The following GLIS3 variants were observed in gnomAD, a reference collection of about 807,000 sequenced individuals.
GLIS3 encodes GLIS family zinc finger 3.
Under a neutral mutation model 78.6 loss-of-function variants are expected in GLIS3, and 53 were observed. That is an observed-to-expected ratio of 0.67 (90% CI 0.54 to 0.85). The LOEUF is 0.85. GLIS3 is among the 40% of genes least tolerant of loss of function. The pLI is 0.00. For synonymous variants in GLIS3, 684 were observed against 509.9 expected, an observed-to-expected ratio of 1.34 and a Z score of -4.60; for missense variants, 1,703 against 1,231.1, an observed-to-expected ratio of 1.38 and a Z score of -5.74.
intron 4 of GLIS3, among the ~76,000 whole-genome samples, chr9:3,995,219 G>C (rs663822): frequency 1 from 152,195 of 152,268 alleles, 76,061 homozygotes; most frequent in Middle Eastern, 1. Flanking sequence ...TTTTTAACCA[G>C]AAAACCTGGG....
intron 2 of GLIS3, among the ~76,000 whole-genome samples, chr9:4,330,315 T>G (rs1275070469): frequency 6.6e-6 from 1 of 152,246 alleles, no homozygotes; most frequent in Non-Finnish European, 1.5e-5. Context: ...AGATTGCTGG[T>G]ACCCATCCAG....
chr9:4,394,826 A>G, the GLIS3 span, among the ~76,000 whole-genome samples: 2 of 152,232 alleles, frequency 1.3e-5, no homozygotes, highest in Admixed American at 6.5e-5. Flanking sequence ...TATTATAGCA[A>G]TAACAAAACA....
chr9:4,415,788 AATT>A, the GLIS3 span, among the ~76,000 whole-genome samples: 2 of 111,880 alleles, frequency 1.8e-5, no homozygotes, highest in Non-Finnish European at 3.6e-5. Flanking sequence ...TTTTTTAAAA[AATT>A]TTAACTTTTC....
upstream of GLIS3, among the ~76,000 whole-genome samples, chr9:4,300,354 AAGTGTT>A (rs35991863): frequency 0.11 from 15,988 of 152,052 alleles, 2,637 homozygotes; most frequent in African/African-American, 0.36. Context: ...TAACATGAAA[AAGTGTT>A]AGTGTTTAGA....
the GLIS3 span, among the ~76,000 whole-genome samples, chr9:4,355,861 G>C: frequency 7.2e-5 from 11 of 152,276 alleles, no homozygotes; most frequent in East Asian, 2.1e-3. Flanking sequence ...TTTCTAACTA[G>C]AAAGGGGCAT....
intron 6 of GLIS3, among the ~76,000 whole-genome samples, chr9:3,925,855 C>T (rs953304829): frequency 3.9e-5 from 6 of 152,166 alleles, no homozygotes; most frequent in Non-Finnish European, 8.8e-5. Context: ...AATATGCCCT[C>T]GGAACTTAAT....
chr9:4,047,503 C>T lies in GLIS3; in HGVS notation c.1710+70265G>A, dbSNP rs186934342. Among the ~76,000 whole-genome samples, 539 of 152,212 alleles carry T rather than the reference C, an allele frequency of 3.5e-3. 6 individuals are homozygous for T. The highest frequency in any genetic ancestry group is 0.02 in the Middle Eastern group (6 of 294). On this transcript the variant is annotated intron_variant, in intron 4 of 10. Transcript: ENST00000381971. ...AAAAACCTGTTACTGCTCTGAATTA[C>T]AAACAAACTTAAATCCACACCTTGT...
chr9:3,876,391 C>A (rs974962170), intron 8 of GLIS3, among the ~76,000 whole-genome samples: 1 of 151,832 alleles, frequency 6.6e-6, no homozygotes, highest in Non-Finnish European at 1.5e-5. Flanking sequence ...AAACAAAAAT[C>A]TCCAGCTATA....
At chr9:4,064,758 A>C (rs1006125673) in intron 4 of GLIS3, among the ~76,000 whole-genome samples, 5 of 152,244 alleles carry the variant, frequency 3.3e-5, no homozygotes, top group Non-Finnish European at 7.3e-5. Context: ...TGCGCCAGTC[A>C]GAGAGGAAAC....
At chr9:4,278,490 T>A (rs1827227651) in intron 2 of GLIS3, among the ~76,000 whole-genome samples, 1 of 152,144 alleles carries the variant, frequency 6.6e-6, no homozygotes, top group Admixed American at 6.5e-5. Flanking sequence ...TTGGGACAGT[T>A]TGAGCATCAC....
chr9:4,236,184 C>CAAAAAAAAAAA (rs59839951), intron 2 of GLIS3, among the ~76,000 whole-genome samples: 32 of 84,280 alleles, frequency 3.8e-4, no homozygotes, highest in Non-Finnish European at 5.6e-4. Context: ...GTGGTTGTCA[C>CAAAAAAAAAAA]AAAAAAAAAA....
intron 2 of GLIS3, among the ~76,000 whole-genome samples, chr9:4,322,464 G>C (rs867540688): frequency 6.6e-6 from 1 of 152,124 alleles, no homozygotes; most frequent in African/African-American, 2.4e-5. Flanking sequence ...CTAGATCCTT[G>C]AGGAATCGCC....
chr9:4,423,458 G>T, the GLIS3 span, among the ~76,000 whole-genome samples: 2 of 151,630 alleles, frequency 1.3e-5, no homozygotes, highest in Admixed American at 6.6e-5. Context: ...CCCTCCCCCA[G>T]ACCTTTAGAA....
At chr9:4,368,839 T>C in the GLIS3 span, among the ~76,000 whole-genome samples, 1 of 152,226 alleles carries the variant, frequency 6.6e-6, no homozygotes, top group African/African-American at 2.4e-5. Context: ...AAAGTGGAAC[T>C]GGTGTCTAAG....
chr9:4,194,483 T>C (rs1818619682), intron 2 of GLIS3, among the ~76,000 whole-genome samples: 1 of 152,232 alleles, frequency 6.6e-6, no homozygotes, highest in Non-Finnish European at 1.5e-5. Context: ...GATGGTAGAT[T>C]CTCTCATCCA....
chr9:3,967,758 A>G (rs10974265), intron 4 of GLIS3, among the ~76,000 whole-genome samples: 23,855 of 152,164 alleles, frequency 0.16, 2,520 homozygotes, highest in East Asian at 0.49. Flanking sequence ...AAAGATGGAT[A>G]ATATGATCCC....
At chr9:3,858,197 C>G (rs1162781674) in intron 8 of GLIS3, among the ~76,000 whole-genome samples, 1 of 152,144 alleles carries the variant, frequency 6.6e-6, no homozygotes, top group Non-Finnish European at 1.5e-5. Flanking sequence ...TTTCCAGTCC[C>G]TTCTTCTGGA....
At chr9:4,392,497 G>T in the GLIS3 span, among the ~76,000 whole-genome samples, 3 of 152,110 alleles carry the variant, frequency 2.0e-5, no homozygotes, top group Non-Finnish European at 4.4e-5. Context: ...CACCTCGCTG[G>T]TATCTGTAAC....
At chr9:4,088,934 A>G (rs10814835) in intron 4 of GLIS3, among the ~76,000 whole-genome samples, 76,946 of 152,126 alleles carry the variant, frequency 0.51, 19,499 homozygotes, top group Non-Finnish European at 0.53. Context: ...TCCTCGAGAA[A>G]AAAATGGAAT....
Sources: allele counts gnomAD v4.1 joint callset (sites outside exome capture counted in the v4.1 genomes callset), GRCh38; gene constraint gnomAD v4.1.1; transcripts MANE v1.5; gene names NCBI Gene and HGNC (gene_info 2026-07-23, HGNC 2026-07-21).